Variants in SNX9 observed in about 807,000 individuals in gnomAD.
The protein encoded by SNX9 is sorting nexin 9.
SNX9 carries 44 observed loss-of-function variants against 89.4 expected under a neutral mutation model. The ratio of observed to expected loss-of-function variants is 0.49; its 90% CI spans 0.39 to 0.63. The LOEUF (loss-of-function observed/expected upper bound fraction) is 0.63, where lower values mean the gene tolerates loss of function less well. Among genes scored for constraint, SNX9 ranks in the 30% least tolerant of loss-of-function variants. The pLI, the probability that SNX9 is intolerant of heterozygous loss-of-function variation, is 0.00. For missense variants in SNX9, 578 were observed against 736.1 expected, an observed-to-expected ratio of 0.79 and a Z score of 2.49; for synonymous variants, 236 against 247.8, an observed-to-expected ratio of 0.95 and a Z score of 0.45.
intron 10 of SNX9, among the ~76,000 whole-genome samples, chr6:157,924,192 G>A (rs1274930484): frequency 6.6e-6 from 1 of 151,764 alleles, no homozygotes; most frequent in Non-Finnish European, 1.5e-5. Flanking sequence ...GCAAAACTCT[G>A]TCTCAAATAT....
At chr6:157,837,925 A>C (rs1781617191) in intron 1 of SNX9, among the ~76,000 whole-genome samples, 1 of 152,218 alleles carries the variant, frequency 6.6e-6, no homozygotes, top group African/African-American at 2.4e-5. Flanking sequence ...AATACATGTA[A>C]TTGTTGGCTG....
At chr6:157,888,556 C>T (rs563723504) in intron 4 of SNX9, among the ~76,000 whole-genome samples, 2 of 152,104 alleles carry the variant, frequency 1.3e-5, no homozygotes, top group Non-Finnish European at 2.9e-5. Context: ...CACTGGGCAC[C>T]TTTTTTATTT....
At chr6:157,904,478 C>T (rs1370663876) in intron 6 of SNX9, among the ~76,000 whole-genome samples, 1 of 151,636 alleles carries the variant, frequency 6.6e-6, no homozygotes, top group Admixed American at 6.6e-5. Context: ...ATAATTAATA[C>T]ATTGCTGTCC....
At chr6:157,876,783 T>C (rs1226035274) in intron 4 of SNX9, among the ~76,000 whole-genome samples, 1 of 152,232 alleles carries the variant, frequency 6.6e-6, no homozygotes, top group East Asian at 1.9e-4. Flanking sequence ...CCTTTCCTAG[T>C]GGGGCGGGCC....
At chr6:157,832,387 C>T (rs1781494411) in intron 1 of SNX9, among the ~76,000 whole-genome samples, 1 of 152,184 alleles carries the variant, frequency 6.6e-6, no homozygotes, top group Admixed American at 6.5e-5. Flanking sequence ...TCCTTGTACT[C>T]AAAGGGCACA....
At chr6:157,851,187 G>A (rs902452796) in intron 1 of SNX9, among the ~76,000 whole-genome samples, 1 of 151,754 alleles carries the variant, frequency 6.6e-6, no homozygotes, top group African/African-American at 2.4e-5. Context: ...GAACCTGGGA[G>A]GTGGAGGCTA....
chr6:157,880,759 G>A (rs990141174), intron 4 of SNX9, among the ~76,000 whole-genome samples: 14 of 152,190 alleles, frequency 9.2e-5, no homozygotes, highest in African/African-American at 3.1e-4. Context: ...TCCTTAAGAG[G>A]CAACCTAGCT....
rs946675608 is a variant in SNX9, at chr6:157,823,657, A to G, written c.12+211A>G. On this transcript the variant is annotated intron_variant, in intron 1 of 17. Coordinates refer to ENST00000392185, the MANE Select transcript of SNX9 (RefSeq NM_016224.5). The surrounding 1 kb of genome is among the most constrained non-coding windows in gnomAD (Gnocchi z 4.6). ...AGTGCAGACAGACCACCAGGATCGC[A>G]CCGGGGGACGGCGTCGGGTCTGGGC... 6.6e-6 allele frequency among the ~76,000 whole-genome samples: 1 copy of G among 151,700 alleles called. No individual in the cohort carries two copies. The highest frequency in any genetic ancestry group is 2.4e-5 in the African/African-American group (1 of 41,324).
At chr6:157,938,199 A>G (rs1783964718) in intron 15 of SNX9, among the ~76,000 whole-genome samples, 1 of 152,262 alleles carries the variant, frequency 6.6e-6, no homozygotes, top group Non-Finnish European at 1.5e-5. Context: ...ACTTAGAATC[A>G]GCACACTTAG....
At chr6:157,855,650 C>G (rs764998276) in intron 1 of SNX9, among the ~76,000 whole-genome samples, 2 of 152,168 alleles carry the variant, frequency 1.3e-5, no homozygotes, top group Non-Finnish European at 2.9e-5. Context: ...CTTACTGACT[C>G]GTACTCTTTA....
chr6:157,908,188 T>C (rs564884960), intron 7 of SNX9, among the ~76,000 whole-genome samples: 2 of 152,212 alleles, frequency 1.3e-5, no homozygotes, highest in Non-Finnish European at 2.9e-5. Context: ...TCTCTCTTCC[T>C]TCAGCGCAAT....
chr6:157,930,813 A>G (rs931374101), intron 12 of SNX9, among the ~76,000 whole-genome samples: 8 of 152,332 alleles, frequency 5.3e-5, no homozygotes, highest in African/African-American at 1.7e-4. Flanking sequence ...TAAATGAAAG[A>G]ATTCAGTTTT....
intron 13 of SNX9, among the ~76,000 whole-genome samples, chr6:157,933,209 G>A (rs573408959): frequency 4.6e-5 from 7 of 152,174 alleles, no homozygotes; most frequent in South Asian, 2.1e-4. Flanking sequence ...CAGAAGGATC[G>A]CTTGAGCCCA....
intron 12 of SNX9, among the ~76,000 whole-genome samples, chr6:157,930,473 T>C (rs1783789608): frequency 6.6e-6 from 1 of 152,306 alleles, no homozygotes; most frequent in East Asian, 1.9e-4. Context: ...CCCCAGGCCA[T>C]GGACTGGTAC....
chr6:157,852,460 C>G (rs1583199800), intron 1 of SNX9, among the ~76,000 whole-genome samples: 1 of 152,188 alleles, frequency 6.6e-6, no homozygotes, highest in Non-Finnish European at 1.5e-5. Flanking sequence ...TGGTCACTCT[C>G]AGCTTCACAA....
At chr6:157,915,623 T>TAAA (rs1172699831) in intron 9 of SNX9, among the ~76,000 whole-genome samples, 26 of 71,254 alleles carry the variant, frequency 3.6e-4, no homozygotes, top group African/African-American at 9.0e-4. Context: ...CCATCTCTAC[T>TAAA]AAAAAAAAAA....
rs371688997 is a variant in SNX9 at position 157,844,655 on chromosome 6, G to A, written c.12+21209G>A. Among the ~76,000 whole-genome samples, 45 of 146,430 alleles carry A rather than the reference G, an allele frequency of 3.1e-4. 1 individual carries two copies. The East Asian group carries it at 9.1e-3, about 30-fold the overall frequency. On this transcript the variant is annotated intron_variant, in intron 1 of 17. Transcript: ENST00000392185. ...GTTGCCCAGGCTGGAGTGCAGTGGT[G>A]CAATCTCGGCTCACTGCAGCCTGCA...
At chr6:157,864,466 A>G (rs1782211500) in intron 1 of SNX9, among the ~76,000 whole-genome samples, 1 of 152,204 alleles carries the variant, frequency 6.6e-6, no homozygotes, top group African/African-American at 2.4e-5. Context: ...CTTGTTTCAC[A>G]TTCTGCTTCA....
chr6:157,850,182 T>G lies in SNX9; in HGVS notation c.13-17365T>G, dbSNP rs181304929. Among the ~76,000 whole-genome samples, 5 of 152,176 alleles carry G rather than the reference T, an allele frequency of 3.3e-5. No individual in the cohort carries two copies. In the East Asian group the frequency reaches 7.7e-4, roughly 24 times the overall value. On this transcript the variant is annotated intron_variant, in intron 1 of 17. Transcript: ENST00000392185. ...GACGCAGTCAGGCAGTCAGGTGGGT[T>G]GAGGGCCTAGCATGGTGATTGGATT...
Sources: gnomAD v4.1 joint callset for allele counts (sites outside exome capture counted in the v4.1 genomes callset) on GRCh38, gnomAD v4.1.1 for gene constraint, Gnocchi (gnomAD v3.1) non-coding constraint, MANE v1.5 for transcripts, NCBI Gene and HGNC (gene_info 2026-07-23, HGNC 2026-07-21) for gene names.